The following PRIM2 variants were observed in gnomAD, a reference collection of about 807,000 sequenced individuals.
PRIM2 encodes the protein DNA primase subunit 2.
Under a neutral mutation model 67.3 loss-of-function variants are expected in PRIM2, and 39 were observed. That is an observed-to-expected ratio of 0.58 (90% CI 0.45 to 0.76). PRIM2 has a LOEUF of 0.76. Ranked by LOEUF, PRIM2 falls within the 30% of genes least tolerant of loss-of-function variation. The pLI is 0.00. For missense variants in PRIM2, 398 were observed against 598.7 expected (o/e 0.66, Z 3.50); for synonymous variants, 143 against 198.7 (o/e 0.72, Z 2.36).
intron 7 of PRIM2, among the ~76,000 whole-genome samples, chr6:57,471,529 A>G (rs1226865388): frequency 2.0e-5 from 3 of 152,190 alleles, no homozygotes; most frequent in African/African-American, 7.2e-5. Context: ...GTGAGGAAGG[A>G]AGAAAGAAAT....
intron 10 of PRIM2, among the ~76,000 whole-genome samples, chr6:57,595,437 A>C (rs1435608873): frequency 6.6e-6 from 1 of 152,038 alleles, no homozygotes; most frequent in Non-Finnish European, 1.5e-5. Flanking sequence ...CCTATATTCA[A>C]TTCACTTCTG....
intron 7 of PRIM2, among the ~76,000 whole-genome samples, chr6:57,408,416 AC>A: frequency 6.6e-6 from 1 of 152,316 alleles, no homozygotes; most frequent in Non-Finnish European, 1.5e-5. Context: ...GATTGGTTTG[AC>A]CAGGCATGTC....
chr6:57,336,421 G>C (rs956426325), intron 5 of PRIM2, among the ~76,000 whole-genome samples: 19 of 152,164 alleles, frequency 1.2e-4, no homozygotes, highest in African/African-American at 4.6e-4. Context: ...ATTCACCAAA[G>C]TTGAAATGAA....
intron 5 of PRIM2, among the ~76,000 whole-genome samples, chr6:57,363,041 G>T (rs536137551): frequency 6.6e-6 from 1 of 152,130 alleles, no homozygotes; most frequent in Non-Finnish European, 1.5e-5. Context: ...TGTTTGTAAG[G>T]TTTAGTAATA....
intron 7 of PRIM2, among the ~76,000 whole-genome samples, chr6:57,499,206 A>G (rs1774074426): frequency 6.6e-6 from 1 of 152,230 alleles, no homozygotes; most frequent in African/African-American, 2.4e-5. Flanking sequence ...TCTATCGGCA[A>G]AATTTCTTGT....
At chr6:57,462,512 C>T (rs1366660902) in intron 7 of PRIM2, among the ~76,000 whole-genome samples, 2 of 152,168 alleles carry the variant, frequency 1.3e-5, no homozygotes, top group African/African-American at 4.8e-5. Context: ...AGAATCCTTT[C>T]ATGTGTCTGG....
chr6:57,371,127 G>GT (rs61081693), intron 5 of PRIM2, among the ~76,000 whole-genome samples: 49,888 of 125,954 alleles, frequency 0.4, 9,051 homozygotes, highest in Middle Eastern at 0.53. Context: ...CTTGAGGTTT[G>GT]TTTTTTTTTT....
At chr6:57,507,206 C>T (rs1774268403) in intron 7 of PRIM2, among the ~76,000 whole-genome samples, 181 bp from the exon 8 acceptor site, 1 of 152,136 alleles carries the variant, frequency 6.6e-6, no homozygotes, top group African/African-American at 2.4e-5. Context: ...ATGTAGCCAG[C>T]TTTGATCACG....
chr6:57,261,741 G>A, the PRIM2 span, among the ~76,000 whole-genome samples: 1 of 152,092 alleles, frequency 6.6e-6, no homozygotes, highest in Non-Finnish European at 1.5e-5. Flanking sequence ...GGAAAGGTTG[G>A]GTTATTTTTC....
intron 5 of PRIM2, among the ~76,000 whole-genome samples, chr6:57,327,868 G>A (rs1767919431): frequency 1.3e-5 from 2 of 152,160 alleles, no homozygotes; most frequent in Non-Finnish European, 2.9e-5. Flanking sequence ...CACGGACTGA[G>A]GTCGGGGGAT....
intron 10 of PRIM2, among the ~76,000 whole-genome samples, chr6:57,585,012 A>G (rs1219893722): frequency 6.6e-6 from 1 of 152,162 alleles, no homozygotes; most frequent in Non-Finnish European, 1.5e-5. Context: ...AGAAAAAGGA[A>G]TATTTAATAC....
the PRIM2 span, among the ~76,000 whole-genome samples, chr6:57,237,404 A>G: frequency 6.6e-6 from 1 of 152,252 alleles, no homozygotes; most frequent in South Asian, 2.1e-4. Context: ...TGCTGTGCAG[A>G]AGCTCTTTAG....
intron 12 of PRIM2, among the ~76,000 whole-genome samples, chr6:57,619,229 A>G (rs1479792501): frequency 6.6e-6 from 1 of 152,182 alleles, no homozygotes; most frequent in Non-Finnish European, 1.5e-5. Flanking sequence ...GGAGAGTACT[A>G]CATCAAGGGA....
the PRIM2 span, among the ~76,000 whole-genome samples, chr6:57,289,896 A>G: frequency 6.6e-6 from 1 of 152,194 alleles, no homozygotes; most frequent in East Asian, 1.9e-4. Context: ...AACTGCATCA[A>G]TTAACGGGCA....
At chr6:57,287,305 A>C in the PRIM2 span, among the ~76,000 whole-genome samples, 2 of 152,350 alleles carry the variant, frequency 1.3e-5, no homozygotes, top group South Asian at 4.1e-4. Flanking sequence ...AGACACATGC[A>C]CACGTATGTT....
At chr6:57,455,262 G>T (rs1410103959) in intron 7 of PRIM2, among the ~76,000 whole-genome samples, 2 of 152,224 alleles carry the variant, frequency 1.3e-5, no homozygotes, top group Non-Finnish European at 2.9e-5. Flanking sequence ...TGTGTATTCT[G>T]TTGATTTGGG....
chr6:57,238,097 C>T, the PRIM2 span, among the ~76,000 whole-genome samples: 1 of 152,152 alleles, frequency 6.6e-6, no homozygotes, highest in South Asian at 2.1e-4. Context: ...GACTTAGACT[C>T]CCACACAATA....
At chr6:57,380,283 G>C (rs998837427) in intron 6 of PRIM2, among the ~76,000 whole-genome samples, 3 of 151,976 alleles carry the variant, frequency 2.0e-5, no homozygotes, top group Non-Finnish European at 4.4e-5. Context: ...CCCTGCACTG[G>C]GCTATCCCCT....
At chr6:57,642,435 C>CT (rs1156576933) in intron 13 of PRIM2, among the ~76,000 whole-genome samples, 2,433 of 82,954 alleles carry the variant, frequency 0.029, 256 homozygotes, top group African/African-American at 0.073. Flanking sequence ...AATATTATAT[C>CT]TTTTTTTTTT....
Sources: gnomAD v4.1 joint callset for allele counts (sites outside exome capture counted in the v4.1 genomes callset) on GRCh38, gnomAD v4.1.1 for gene constraint, MANE v1.5 for transcripts, NCBI Gene and HGNC (gene_info 2026-07-23, HGNC 2026-07-21) for gene names.